The following DMD variants were observed in gnomAD, a reference collection of about 807,000 sequenced individuals.
The protein encoded by DMD is dystrophin, also known as mutant dystrophin.
In DMD, 63 loss-of-function variants were observed where a neutral mutation model predicts 330.1. That is an observed-to-expected ratio of 0.19 (90% CI 0.16 to 0.24). DMD has a LOEUF of 0.24. Among genes scored for constraint, DMD ranks in the 10% least tolerant of loss-of-function variants. The pLI is 1.00. For synonymous variants in DMD, 1,223 were observed against 959.8 expected, an observed-to-expected ratio of 1.27 and a Z score of -5.07; for missense variants, 3,344 against 2,684.1, an observed-to-expected ratio of 1.25 and a Z score of -5.43.
intron 42 of DMD, among the ~76,000 whole-genome samples, chrX:32,295,834 T>G (rs1282109394): frequency 8.9e-6 from 1 of 111,941 alleles, no homozygotes; most frequent in African/African-American, 3.2e-5. Context: ...TGACAACTAC[T>G]CCCTTGCTGT....
At chrX:32,656,168 G>A (rs1314366395) in intron 9 of DMD, among the ~76,000 whole-genome samples, 1 of 111,922 alleles carries the variant, frequency 8.9e-6, no homozygotes, top group Non-Finnish European at 1.9e-5. Flanking sequence ...GTATTGGCCA[G>A]TTGGATATAA....
At chrX:33,329,853 T>C (rs2054143554) in intron 1 of DMD, among the ~76,000 whole-genome samples, 1 of 111,529 alleles carries the variant, frequency 9.0e-6, no homozygotes, top group South Asian at 3.7e-4. Flanking sequence ...TCTGTGAAAA[T>C]TCATGAAGCT....
chrX:32,333,290 C>G (rs1255348712), intron 41 of DMD, among the ~76,000 whole-genome samples: 3 of 111,725 alleles, frequency 2.7e-5, no homozygotes, highest in African/African-American at 9.7e-5. Flanking sequence ...GAATTTTATG[C>G]TAGTAAACGG....
At chrX:33,180,613 C>G (rs2049943023) in intron 1 of DMD, among the ~76,000 whole-genome samples, 1 of 111,529 alleles carries the variant, frequency 9.0e-6, no homozygotes, top group Non-Finnish European at 1.9e-5. Context: ...TTACCTGGCT[C>G]TGGTTCCAGG....
rs890448497 is a variant in DMD, at chrX:32,852,993, T to C, written c.94-3173A>G. ...TAAAAGCAGCAAGAGAAAAGATACA[T>C]TCCAAAAAGCTTAACAACAACTAGT... On this transcript the variant is annotated intron_variant, in intron 2 of 78. Transcript: ENST00000357033. 6.3e-5 allele frequency among the ~76,000 whole-genome samples: 7 copies of C among 111,635 alleles called. No individual in the cohort carries two copies. The Admixed American group carries it at 6.7e-4, about 11-fold the overall frequency.
chrX:33,334,456 T>G (rs1352265413), intron 1 of DMD, among the ~76,000 whole-genome samples: 1 of 111,343 alleles, frequency 9.0e-6, no homozygotes, highest in East Asian at 2.8e-4. Context: ...GAGGGCCAGA[T>G]AGTAAATATT....
chrX:31,890,377 A>G (rs757561844), intron 47 of DMD, among the ~76,000 whole-genome samples: 6 of 110,275 alleles, frequency 5.4e-5, no homozygotes, highest in African/African-American at 2.0e-4. Flanking sequence ...AAAAAGAAGA[A>G]GAAAGAAAGA....
rs146963511 is a variant in DMD at position 32,191,073 on chromosome X, G to C, written c.6438+25843C>G. On this transcript the variant is annotated intron_variant, in intron 44 of 78. Transcript: ENST00000357033. ...CCAGGTCCCAATTTTTCATTATCTT[G>C]CCTATGATCAGGTATCATAAGTGCT... Among the ~76,000 whole-genome samples, 746 of 110,634 alleles carry C rather than the reference G, an allele frequency of 6.7e-3. 12 individuals are homozygous for C. The highest frequency in any genetic ancestry group is 0.024 in the African/African-American group (716 of 30,436).
chrX:32,074,647 C>T (rs1232107760), intron 44 of DMD, among the ~76,000 whole-genome samples: 2 of 112,082 alleles, frequency 1.8e-5, no homozygotes, highest in African/African-American at 6.5e-5. Context: ...TGCTTTCATA[C>T]TACAACAGCG....
At chrX:33,075,700 C>A (rs2094829783) in intron 1 of DMD, among the ~76,000 whole-genome samples, 1 of 111,960 alleles carries the variant, frequency 8.9e-6, no homozygotes, top group Non-Finnish European at 1.9e-5. Flanking sequence ...GTATTGAAAC[C>A]ACCATTGCAA....
At chrX:33,255,778 C>T (rs2052846917) in intron 1 of DMD, among the ~76,000 whole-genome samples, 1 of 111,052 alleles carries the variant, frequency 9.0e-6, no homozygotes, top group South Asian at 3.7e-4. Flanking sequence ...CTTCTTTGAT[C>T]TTATGCAATG....
intron 2 of DMD, among the ~76,000 whole-genome samples, chrX:32,989,707 G>A (rs2092928919): frequency 9.0e-6 from 1 of 111,053 alleles, no homozygotes. Flanking sequence ...TAAATTTTTG[G>A]TATTAGTTCT....
intron 9 of DMD, among the ~76,000 whole-genome samples, chrX:32,670,225 G>T (rs1260653345): frequency 8.9e-6 from 1 of 111,758 alleles, no homozygotes; most frequent in Non-Finnish European, 1.9e-5. Flanking sequence ...AGTGCATAAA[G>T]AACCTGAGGA....
rs546375993 is a variant in DMD at position 32,745,616 on chromosome X, C to T, written c.650-46323G>A. On this transcript the variant is annotated intron_variant, in intron 7 of 78. Transcript: ENST00000357033. ...ATGCAATGAATTCTTGGCTACAAGC[C>T]ACAAATGTGCTTTGAGAAATAAAAA... is the stretch of plus-strand genomic sequence containing the variant. Among the ~76,000 whole-genome samples the T allele has an allele frequency of 2.7e-5, 3 of 112,189 alleles. No homozygotes were observed. In the South Asian group the frequency reaches 1.1e-3, roughly 41 times the overall value.
At chrX:31,802,176 T>G (rs1350822471) in intron 50 of DMD, among the ~76,000 whole-genome samples, 1 of 110,639 alleles carries the variant, frequency 9.0e-6, no homozygotes, top group Admixed American at 9.6e-5. Flanking sequence ...TTTCTTTTTT[T>G]GAAATTTTTA....
chrX:32,949,342 G>GATAGA (rs2091054635), intron 2 of DMD, among the ~76,000 whole-genome samples: 4 of 91,530 alleles, frequency 4.4e-5, no homozygotes, highest in Non-Finnish European at 8.5e-5. Context: ...AGGTAGGTAG[G>GATAGA]TAGATAGATA....
intron 39 of DMD, among the ~76,000 whole-genome samples, chrX:32,345,397 T>G (rs919443750): frequency 5.4e-5 from 6 of 111,647 alleles, no homozygotes; most frequent in African/African-American, 1.9e-4. Flanking sequence ...TCAAGGGCAC[T>G]AAGATTATTT....
chrX:32,671,522 ACT>A lies in DMD; in HGVS notation c.960+26346_960+26347del, dbSNP rs1403842684. On this transcript the variant is annotated intron_variant, in intron 9 of 78. Transcript: ENST00000357033. ...ACTTGGCTATTTCTGCATATATTTT[ACT>A]CTCTGATAAAAATATTATAATCATT... Among the ~76,000 whole-genome samples the A allele has an allele frequency of 7.2e-5, 8 of 111,624 alleles. 1 individual carries two copies. Among genetic ancestry groups the A allele is most frequent in the Admixed American group, 6.7e-4 (7 of 10,437 alleles).
intron 69 of DMD, 22 bp from the exon 70 acceptor site, chrX:31,178,827 G>C (rs2040837348): frequency 8.3e-7 from 1 of 1,205,667 alleles, no homozygotes; most frequent in African/African-American, 1.8e-5. Flanking sequence ...ATCATGGTGA[G>C]ATCAGATTTA....
Sources: allele counts gnomAD v4.1 joint callset (sites outside exome capture counted in the v4.1 genomes callset), GRCh38; gene constraint gnomAD v4.1.1; transcripts MANE v1.5; gene names NCBI Gene and HGNC (gene_info 2026-07-23, HGNC 2026-07-21).